The following SLC24A3 variants were observed in gnomAD, a reference collection of about 807,000 sequenced individuals.
SLC24A3 encodes the protein solute carrier family 24 member 3, also known as sodium/potassium/calcium exchanger 3.
A neutral mutation model predicts 75.8 loss-of-function variants in SLC24A3; 28 were observed. The observed-to-expected ratio is 0.37, with a 90% CI of 0.27 to 0.51. The LOEUF (loss-of-function observed/expected upper bound fraction) is 0.51. SLC24A3 is among the 20% of genes least tolerant of loss of function. SLC24A3 has a pLI of 0.94. For synonymous variants in SLC24A3, 372 were observed against 334.1 expected, an observed-to-expected ratio of 1.11 and a Z score of -1.24; for missense variants, 663 against 847.8, an observed-to-expected ratio of 0.78 and a Z score of 2.71.
At chr20:19,448,541 T>C (rs574324673) in intron 2 of SLC24A3, among the ~76,000 whole-genome samples, 1 of 152,320 alleles carries the variant, frequency 6.6e-6, no homozygotes, top group East Asian at 1.9e-4. Flanking sequence ...TTACCATTTG[T>C]CCTTTTCTCC....
At position 19,515,809 on chromosome 20, in the gene SLC24A3, A is replaced by G. The variant is rs151292441; in HGVS notation, c.348+245A>G. 2.0e-5 allele frequency among the ~76,000 whole-genome samples: 3 copies of G among 152,302 alleles called. No homozygotes were observed. In the East Asian group the frequency reaches 5.8e-4, roughly 29 times the overall value. The stretch of plus-strand genomic sequence containing the variant: ...TTAGTGCCCAGAGTGTGGACTCTAA[A>G]GTCAAACAGCCCCACTCTCCATGAC... On this transcript the variant is annotated intron_variant, in intron 3 of 16. Transcript: ENST00000328041.
chr20:19,639,663 G>C (rs1315584724), intron 6 of SLC24A3, among the ~76,000 whole-genome samples: 2 of 152,236 alleles, frequency 1.3e-5, no homozygotes, highest in African/African-American at 4.8e-5. Flanking sequence ...CGATGGGACT[G>C]GGTGCCGAGG....
At chr20:19,603,808 G>T (rs2031560892) in intron 6 of SLC24A3, among the ~76,000 whole-genome samples, 1 of 152,160 alleles carries the variant, frequency 6.6e-6, no homozygotes, top group African/African-American at 2.4e-5. Context: ...AGTTCCAGGG[G>T]TGACACCTGC....
chr20:19,668,683 C>T (rs1313501902), intron 8 of SLC24A3, among the ~76,000 whole-genome samples: 3 of 152,204 alleles, frequency 2.0e-5, no homozygotes, highest in African/African-American at 4.8e-5. Context: ...CAGCATTCTG[C>T]AGGAAGTCAC....
intron 2 of SLC24A3, among the ~76,000 whole-genome samples, chr20:19,350,980 T>A (rs1432344115): frequency 1.3e-5 from 2 of 152,220 alleles, no homozygotes; most frequent in Non-Finnish European, 2.9e-5. Context: ...TCCTGTAGAC[T>A]TTATACATAT....
At chr20:19,697,384 C>T (rs534957756) in intron 14 of SLC24A3, 1 of 161,200 alleles carries the variant, frequency 6.2e-6, no homozygotes, top group Admixed American at 6.0e-5. Context: ...TAAACAACAG[C>T]TCTGTGAAAT....
At chr20:19,440,653 T>G (rs1017177063) in intron 2 of SLC24A3, among the ~76,000 whole-genome samples, 18 of 151,692 alleles carry the variant, frequency 1.2e-4, no homozygotes, top group African/African-American at 2.4e-4. Flanking sequence ...CTGTTTTTTT[T>G]TTTTTTTTTT....
intron 3 of SLC24A3, among the ~76,000 whole-genome samples, chr20:19,546,988 C>A (rs2030609137): frequency 6.6e-6 from 1 of 152,226 alleles, no homozygotes; most frequent in South Asian, 2.1e-4. Flanking sequence ...CCTGAGGTCT[C>A]AGCTGAGAGG....
intron 4 of SLC24A3, among the ~76,000 whole-genome samples, chr20:19,582,288 C>T (rs1208048019): frequency 3.3e-5 from 5 of 152,158 alleles, no homozygotes; most frequent in Non-Finnish European, 5.9e-5. Flanking sequence ...TTTAATGATT[C>T]GATACTCTGT....
chr20:19,450,614 G>A (rs1257646673), intron 2 of SLC24A3, among the ~76,000 whole-genome samples: 1 of 152,218 alleles, frequency 6.6e-6, no homozygotes, highest in East Asian at 1.9e-4. Flanking sequence ...CTCATAGAGT[G>A]TTTTTGTGCA....
chr20:19,566,767 A>T (rs1198821543), intron 3 of SLC24A3, among the ~76,000 whole-genome samples: 1 of 152,216 alleles, frequency 6.6e-6, no homozygotes, highest in Non-Finnish European at 1.5e-5. Flanking sequence ...GAAAGTTGCC[A>T]GGAAAACCAG....
chr20:19,280,682 G>A (rs1357102926), intron 1 of SLC24A3, among the ~76,000 whole-genome samples: 1 of 152,198 alleles, frequency 6.6e-6, no homozygotes, highest in Non-Finnish European at 1.5e-5. Flanking sequence ...CAGGGAATGG[G>A]GGGCAGTTGA....
At chr20:19,442,928 A>G (rs1987319818) in intron 2 of SLC24A3, among the ~76,000 whole-genome samples, 1 of 152,194 alleles carries the variant, frequency 6.6e-6, no homozygotes, top group Non-Finnish European at 1.5e-5. Context: ...TAACTTTCCC[A>G]GCACCATTTA....
rs142405010 is a variant in SLC24A3 at position 19,616,442 on chromosome 20, A to G, written c.612+30898A>G. ...TCATTCAGGACCTCTGAACACTCAC[A>G]AACACTTAGGCAGGGGACAACATGT... On this transcript the variant is annotated intron_variant, in intron 6 of 16. Transcript: ENST00000328041. Among the ~76,000 whole-genome samples, 38 of 152,300 alleles carry G rather than the reference A, an allele frequency of 2.5e-4. No individual in the cohort carries two copies. In the East Asian group the frequency reaches 4.2e-3, roughly 17 times the overall value.
chr20:19,450,553 A>G (rs969916020), intron 2 of SLC24A3, among the ~76,000 whole-genome samples: 3 of 152,176 alleles, frequency 2.0e-5, no homozygotes, highest in Non-Finnish European at 4.4e-5. Flanking sequence ...TCCCCCTCAC[A>G]ATATGCTAAT....
chr20:19,452,430 G>C (rs939641013), intron 2 of SLC24A3, among the ~76,000 whole-genome samples: 3 of 147,686 alleles, frequency 2.0e-5, no homozygotes, highest in African/African-American at 7.5e-5. Flanking sequence ...GTGTGTTGGG[G>C]AAGTAAGGTG....
At position 19,353,593 on chromosome 20, in the gene SLC24A3, AAG is replaced by A. The variant is rs1173624706; in HGVS notation, c.271+72509_271+72510del. ...TATTAAGACATGATCCTTGTGCATA[AAG>A]AGCTTGCATCTTAAAAGCTTGAACA... On this transcript the variant is annotated intron_variant, in intron 2 of 16. Transcript: ENST00000328041. Among the ~76,000 whole-genome samples the A allele has an allele frequency of 3.3e-5, 5 of 152,314 alleles. No homozygotes were observed. In the East Asian group the frequency reaches 9.6e-4, roughly 29 times the overall value.
intron 2 of SLC24A3, among the ~76,000 whole-genome samples, chr20:19,395,640 G>A (rs190781670): frequency 4.9e-4 from 74 of 152,296 alleles, no homozygotes; most frequent in African/African-American, 1.6e-3. Flanking sequence ...GTAACTAAAC[G>A]CTGAAAATGT....
chr20:19,237,021 TA>T (rs1982188067), intron 1 of SLC24A3, among the ~76,000 whole-genome samples: 1 of 152,244 alleles, frequency 6.6e-6, no homozygotes, highest in South Asian at 2.1e-4. Flanking sequence ...CAACGAACTT[TA>T]AAATGTGATA....
Sources: gnomAD v4.1 joint callset for allele counts (sites outside exome capture counted in the v4.1 genomes callset) on GRCh38, gnomAD v4.1.1 for gene constraint, MANE v1.5 for transcripts, NCBI Gene and HGNC (gene_info 2026-07-23, HGNC 2026-07-21) for gene names.